The following SLC24A2 variants were observed in gnomAD, a reference collection of about 807,000 sequenced individuals.
SLC24A2 encodes solute carrier family 24 member 2, also known as sodium/potassium/calcium exchanger 2.
Under a neutral mutation model 62.0 loss-of-function variants are expected in SLC24A2, and 36 were observed. The observed-to-expected ratio is 0.58, with a 90% CI of 0.44 to 0.77. SLC24A2 has a LOEUF of 0.77. SLC24A2 is among the 30% of genes least tolerant of loss of function. SLC24A2 has a pLI of 0.00. For synonymous variants in SLC24A2, 358 were observed against 294.0 expected, an observed-to-expected ratio of 1.22 and a Z score of -2.23; for missense variants, 846 against 817.9, an observed-to-expected ratio of 1.03 and a Z score of -0.42.
intron 8 of SLC24A2, among the ~76,000 whole-genome samples, chr9:19,532,671 G>C (rs185739562): frequency 6.6e-6 from 1 of 152,170 alleles, no homozygotes; most frequent in Non-Finnish European, 1.5e-5. Context: ...TTGGCTTTGC[G>C]TCTTTCTAGC....
the SLC24A2 span, among the ~76,000 whole-genome samples, chr9:20,105,584 G>A: frequency 2.0e-5 from 3 of 151,998 alleles, no homozygotes; most frequent in South Asian, 4.2e-4. Flanking sequence ...TGAACAACCT[G>A]CTCCTGAATG....
the SLC24A2 span, among the ~76,000 whole-genome samples, chr9:20,234,302 G>A: frequency 8.3e-4 from 126 of 152,284 alleles, 2 homozygotes; most frequent in East Asian, 0.022. Flanking sequence ...AGTTCTCCTG[G>A]ATAATATCCT....
chr9:19,810,406 C>A, the SLC24A2 span, among the ~76,000 whole-genome samples: 1 of 152,150 alleles, frequency 6.6e-6, no homozygotes, highest in African/African-American at 2.4e-5. Flanking sequence ...AAAGAAAAAC[C>A]TGTGTAAATA....
chr9:20,041,145 T>A, the SLC24A2 span, among the ~76,000 whole-genome samples: 1 of 151,936 alleles, frequency 6.6e-6, no homozygotes, highest in East Asian at 1.9e-4. Flanking sequence ...AGAGTGCGTG[T>A]GTGTACGCGT....
intron 5 of SLC24A2, 87 bp from the exon 6 acceptor site, chr9:19,577,109 C>G (rs147362642): frequency 2.0e-6 from 2 of 996,254 alleles, no homozygotes; most frequent in Middle Eastern, 2.1e-4. Flanking sequence ...TCCTCAGTCA[C>G]GCTGCACTAA....
At chr9:20,081,021 A>G in the SLC24A2 span, among the ~76,000 whole-genome samples, 1 of 152,144 alleles carries the variant, frequency 6.6e-6, no homozygotes, top group East Asian at 1.9e-4. Flanking sequence ...CACTTTTACA[A>G]TGTTGGTGGG....
the SLC24A2 span, among the ~76,000 whole-genome samples, chr9:20,080,777 A>G: frequency 6.6e-6 from 1 of 152,130 alleles, no homozygotes; most frequent in Non-Finnish European, 1.5e-5. Flanking sequence ...AAACAAATTT[A>G]CAAGAAAAAA....
At chr9:19,627,642 C>T (rs1219043363) in intron 2 of SLC24A2, among the ~76,000 whole-genome samples, 2 of 152,164 alleles carry the variant, frequency 1.3e-5, no homozygotes, top group Non-Finnish European at 2.9e-5. Context: ...CCTCTTGCTT[C>T]AGCCTCCCAA....
the SLC24A2 span, among the ~76,000 whole-genome samples, chr9:19,980,709 C>A: frequency 6.6e-6 from 1 of 152,092 alleles, no homozygotes; most frequent in Non-Finnish European, 1.5e-5. Context: ...ATCTTACCTG[C>A]CTCAGAGAAA....
the SLC24A2 span, among the ~76,000 whole-genome samples, chr9:20,234,096 G>A: frequency 6.6e-6 from 1 of 152,232 alleles, no homozygotes; most frequent in Admixed American, 6.5e-5. Flanking sequence ...CAAGAGATCA[G>A]CTGTTAGTCT....
chr9:19,542,877 G>A (rs1361562960), intron 8 of SLC24A2, among the ~76,000 whole-genome samples: 1 of 152,142 alleles, frequency 6.6e-6, no homozygotes, highest in African/African-American at 2.4e-5. Flanking sequence ...TGTTCATCAG[G>A]GATACTGGCC....
intron 4 of SLC24A2, among the ~76,000 whole-genome samples, chr9:19,608,260 G>A (rs543315241): frequency 1.8e-4 from 27 of 151,678 alleles, no homozygotes; most frequent in African/African-American, 6.5e-4. Context: ...ATAAAAGGGG[G>A]CATGAAATGA....
the SLC24A2 span, among the ~76,000 whole-genome samples, chr9:20,133,749 G>C: frequency 6.6e-6 from 1 of 151,962 alleles, no homozygotes; most frequent in Non-Finnish European, 1.5e-5. Context: ...TTTGAATCAG[G>C]GTAAGTGGTT....
the SLC24A2 span, among the ~76,000 whole-genome samples, chr9:19,930,362 T>C: frequency 3.9e-5 from 6 of 152,346 alleles, no homozygotes; most frequent in South Asian, 6.2e-4. Flanking sequence ...CCTGTAGTAT[T>C]GAGAATAGTA....
the SLC24A2 span, among the ~76,000 whole-genome samples, chr9:20,292,733 G>C: frequency 1.3e-5 from 2 of 152,190 alleles, no homozygotes; most frequent in Admixed American, 6.5e-5. Flanking sequence ...TGGGCCACAG[G>C]CATGCACCAC....
the SLC24A2 span, among the ~76,000 whole-genome samples, chr9:19,973,832 A>T: frequency 6.6e-6 from 1 of 152,210 alleles, no homozygotes; most frequent in Non-Finnish European, 1.5e-5. Context: ...TTATTTAGAT[A>T]GTAGGTTTTT....
chr9:19,680,558 T>C (rs988328421), intron 2 of SLC24A2, among the ~76,000 whole-genome samples: 8 of 151,822 alleles, frequency 5.3e-5, no homozygotes, highest in Admixed American at 2.6e-4. Context: ...AATAATGCTT[T>C]AACGCCACTT....
intron 10 of SLC24A2, among the ~76,000 whole-genome samples, chr9:19,517,774 A>G (rs1260631865): frequency 6.6e-6 from 1 of 152,094 alleles, no homozygotes; most frequent in Non-Finnish European, 1.5e-5. Flanking sequence ...TCAGCAATGA[A>G]AAGTCAGAAA....
chr9:20,267,982 A>C, the SLC24A2 span, among the ~76,000 whole-genome samples: 5 of 152,016 alleles, frequency 3.3e-5, no homozygotes, highest in African/African-American at 1.2e-4. Context: ...CCTGGCCCCT[A>C]CTTTTCTTCC....
Sources: gnomAD v4.1 joint callset for allele counts (sites outside exome capture counted in the v4.1 genomes callset) on GRCh38, gnomAD v4.1.1 for gene constraint, MANE v1.5 for transcripts, NCBI Gene and HGNC (gene_info 2026-07-23, HGNC 2026-07-21) for gene names.